Variants in CYB5R3 observed in about 807,000 individuals in gnomAD.
The protein encoded by CYB5R3 is NADH-cytochrome b5 reductase 3.
In CYB5R3, 28 loss-of-function variants were observed where a neutral mutation model predicts 36.5. That is an observed-to-expected ratio of 0.77 (90% CI 0.57 to 1.05). The LOEUF is 1.05. Among genes scored for constraint, CYB5R3 ranks in the 50% least tolerant of loss-of-function variants. The pLI is 0.00. For missense variants in CYB5R3, 474 were observed against 408.9 expected, an observed-to-expected ratio of 1.16 and a Z score of -1.37; for synonymous variants, 181 against 159.8, an observed-to-expected ratio of 1.13 and a Z score of -1.00.
intron 1 of CYB5R3, chr22:42,640,350 C>CTTTAT (rs919193890): frequency 2.1e-6 from 1 of 467,566 alleles, no homozygotes; most frequent in African/African-American, 2.2e-5. Context: ...GCGTGGTTCA[C>CTTTAT]TTATTTATTT....
chr22:42,626,202 C>A (rs1326593007), intron 7 of CYB5R3, among the ~76,000 whole-genome samples: 1 of 151,988 alleles, frequency 6.6e-6, no homozygotes, highest in Non-Finnish European at 1.5e-5. Context: ...CCCAGCTACT[C>A]GGGAGGCTGA....
intron 7 of CYB5R3, among the ~76,000 whole-genome samples, chr22:42,624,336 G>T (rs535736263): frequency 6.6e-6 from 1 of 152,138 alleles, no homozygotes; most frequent in Admixed American, 6.5e-5. Context: ...TCAGCCCTCC[G>T]GCAAGTCTTT....
chr22:42,641,431 C>CA (rs1929267475), intron 1 of CYB5R3, among the ~76,000 whole-genome samples: 2 of 152,064 alleles, frequency 1.3e-5, no homozygotes, highest in South Asian at 4.2e-4. Context: ...CTCAACCTCC[C>CA]AAGTAGCTGG....
At chr22:42,634,717 C>T (rs1401402987) in intron 2 of CYB5R3, among the ~76,000 whole-genome samples, 1 of 137,346 alleles carries the variant, frequency 7.3e-6, no homozygotes, top group African/African-American at 2.8e-5. Context: ...GCTCCACCTC[C>T]CAGGTTCACG....
chr22:42,642,263 C>T (rs1445942631), intron 1 of CYB5R3, among the ~76,000 whole-genome samples: 4 of 151,926 alleles, frequency 2.6e-5, no homozygotes, highest in African/African-American at 9.7e-5. Context: ...AGGCACGTAC[C>T]ACCAGGCCTT....
At chr22:42,628,104 C>T (rs1569319330) in intron 5 of CYB5R3, 48 bp downstream of exon 5, 3 of 1,612,310 alleles carry the variant, frequency 1.9e-6, no homozygotes, top group Non-Finnish European at 2.5e-6. Context: ...CCAAGCTCTC[C>T]AATTCTCTGA....
chr22:42,634,327 C>T (rs1569322590), intron 2 of CYB5R3, among the ~76,000 whole-genome samples: 1 of 151,966 alleles, frequency 6.6e-6, no homozygotes, highest in African/African-American at 2.4e-5. Flanking sequence ...CACCATTGCA[C>T]TATAGCCTGG....
chr22:42,648,851 C>T (rs1569330359), intron 1 of CYB5R3, among the ~76,000 whole-genome samples: 1 of 137,236 alleles, frequency 7.3e-6, no homozygotes, highest in African/African-American at 2.8e-5. Flanking sequence ...CACACACACA[C>T]ACCCCATCAC....
Position 42,640,178 on chromosome 22 carries a change from AG to A in CYB5R3, c.22-3333del, listed in dbSNP as rs1569325907. 7 of 1,612,500 alleles carry A rather than the reference AG, an allele frequency of 4.3e-6. No individual in the cohort carries two copies. The South Asian group carries it at 6.6e-5, about 15-fold the overall frequency. ...GGAGGAACCAGCTCAACCGTGGTGT[AG>A]TACCAAAATGCGGCCAATCGAGGCT... On this transcript the variant is annotated intron_variant, in intron 1 of 8. Coordinates refer to ENST00000352397, the MANE Select transcript of CYB5R3 (RefSeq NM_000398.7).
intron 1 of CYB5R3, among the ~76,000 whole-genome samples, chr22:42,648,117 T>A (rs986413266): frequency 2.6e-5 from 4 of 151,822 alleles, no homozygotes; most frequent in Non-Finnish European, 4.4e-5. Context: ...CTGGCCAAGG[T>A]TGCCTGGGGT....
chr22:42,628,452 C>T (rs1471978031), intron 4 of CYB5R3, among the ~76,000 whole-genome samples, 171 bp from the exon 5 acceptor site: 2 of 152,158 alleles, frequency 1.3e-5, no homozygotes, highest in Admixed American at 1.3e-4. Flanking sequence ...TCCTGCACCC[C>T]GTCCTTCACC....
Position 42,636,826 on chromosome 22 carries a change from G to A in CYB5R3, c.42C>T (p.Phe14=), listed in dbSNP as rs1372894844. Reference sequence around the variant, plus strand: ...GCAGACTGTACAGGAACCAGACTGGGAAGAGCACCATATGGCCCAACTGAA... The same window carrying A: ...GCAGACTGTACAGGAACCAGACTGGAAAGAGCACCATATGGCCCAACTGAA... ...QLSTLGHMVL[F]PVWFLYSLLM... is the part of the protein sequence containing the mutation. Residue 14 remains phenylalanine, a synonymous_variant, in exon 2 of 9, where the codon TTC becomes TTT. Coordinates refer to ENST00000352397, the MANE Select transcript of CYB5R3 (RefSeq NM_000398.7). 2 of 1,613,676 alleles carry A rather than the reference G, an allele frequency of 1.2e-6. No homozygotes were observed. Among genetic ancestry groups the A allele is most frequent in the Admixed American group, 1.7e-5 (1 of 60,004 alleles).
intron 1 of CYB5R3, chr22:42,638,922 T>C (rs1358556643): frequency 1.0e-5 from 3 of 299,538 alleles, no homozygotes; most frequent in African/African-American, 6.9e-5. Flanking sequence ...GAATCCCAGC[T>C]ACTCAGGAAA....
chr22:42,620,440 C>A (rs1253006579), intron 8 of CYB5R3, among the ~76,000 whole-genome samples: 2 of 152,126 alleles, frequency 1.3e-5, no homozygotes. Context: ...CCTCCATGAG[C>A]CCACTGTGAC....
In CYB5R3 at chr22:42,618,369, C is replaced by G. The variant is rs1927741275; in HGVS notation, c.*1404G>C. On this transcript the variant is annotated 3_prime_UTR_variant, in exon 9 of 9. Coordinates refer to ENST00000352397, the MANE Select transcript of CYB5R3 (RefSeq NM_000398.7). The stretch of plus-strand genomic sequence containing the variant: ...CGGCTAAAACGGTGAAACCCCGTCT[C>G]TACTAAAAATACAAAAAATTAGCCG... 1 of 151,066 alleles carries G rather than the reference C, an allele frequency of 6.6e-6. No homozygotes were observed. Among genetic ancestry groups the G allele is most frequent in the Non-Finnish European group, 1.5e-5 (1 of 67,884 alleles). The allele number at this position is 151,066 out of a possible 1,614,324, so 9.4% of individuals were successfully genotyped here. A position where few individuals can be genotyped will look rare whatever the true frequency, so the allele number is the denominator to read the frequency against.
intron 1 of CYB5R3, chr22:42,644,293 G>C (rs895072663): frequency 3.0e-6 from 2 of 667,516 alleles, no homozygotes; most frequent in Non-Finnish European, 5.5e-6. Context: ...CCGGGGGTCC[G>C]AACCAACAGG....
chr22:42,626,652 G>C (rs1226054869), intron 7 of CYB5R3, among the ~76,000 whole-genome samples: 1 of 152,220 alleles, frequency 6.6e-6, no homozygotes, highest in Non-Finnish European at 1.5e-5. Flanking sequence ...GTGGGGCAAG[G>C]ACCCACATCC....
At chr22:42,647,120 G>A (rs1362797628) in intron 1 of CYB5R3, 3 of 306,920 alleles carry the variant, frequency 9.8e-6, no homozygotes, top group Non-Finnish European at 1.4e-5. Flanking sequence ...AGACTGTGGG[G>A]AGCCCGTAAG....
chr22:42,646,252 C>CAA (rs1224467009), intron 1 of CYB5R3, among the ~76,000 whole-genome samples: 3 of 152,172 alleles, frequency 2.0e-5, no homozygotes, highest in Non-Finnish European at 4.4e-5. Flanking sequence ...CCCCAGCCAC[C>CAA]TGGGGGCCCA....
Sources: allele counts gnomAD v4.1 joint callset (sites outside exome capture counted in the v4.1 genomes callset), GRCh38; gene constraint gnomAD v4.1.1; transcripts MANE v1.5; gene names NCBI Gene and HGNC (gene_info 2026-07-23, HGNC 2026-07-21).